The following ACMSD variants were observed in gnomAD, a reference collection of about 807,000 sequenced individuals.
The protein encoded by ACMSD is 2-amino-3-carboxymuconate-6-semialdehyde decarboxylase.
Under a neutral mutation model 45.9 loss-of-function variants are expected in ACMSD, and 37 were observed. The ratio of observed to expected loss-of-function variants is 0.81; its 90% CI spans 0.62 to 1.06. ACMSD has a LOEUF of 1.06. ACMSD is among the 50% of genes least tolerant of loss of function. The pLI is 0.00. For synonymous variants in ACMSD, 138 were observed against 148.8 expected (o/e 0.93, Z 0.53); for missense variants, 434 against 420.9 (o/e 1.03, Z -0.27).
chr2:134,855,362 C>T (rs1393855166), intron 2 of ACMSD, among the ~76,000 whole-genome samples: 1 of 152,206 alleles, frequency 6.6e-6, no homozygotes, highest in African/African-American at 2.4e-5. Flanking sequence ...CCCCCAGCAC[C>T]ACTGCCAATA....
chr2:134,852,892 T>C (rs891934991), intron 2 of ACMSD, among the ~76,000 whole-genome samples: 3 of 152,060 alleles, frequency 2.0e-5, no homozygotes, highest in African/African-American at 4.8e-5. Flanking sequence ...TGGCTGGGCA[T>C]GGTGCCTCAC....
chr2:134,885,305 A>ATGT, intron 8 of ACMSD, among the ~76,000 whole-genome samples: 1 of 49,428 alleles, frequency 2.0e-5, no homozygotes, highest in South Asian at 9.9e-4. Flanking sequence ...ATATATATTT[A>ATGT]AATATATATA....
chr2:134,889,599 T>C (rs770211311), intron 8 of ACMSD, among the ~76,000 whole-genome samples: 10 of 152,160 alleles, frequency 6.6e-5, no homozygotes, highest in Non-Finnish European at 1.5e-4. Flanking sequence ...ATAACAATTG[T>C]TTACATAGCA....
chr2:134,878,947 C>T (rs569963083), intron 8 of ACMSD, among the ~76,000 whole-genome samples: 2 of 152,296 alleles, frequency 1.3e-5, no homozygotes, highest in East Asian at 3.9e-4. Flanking sequence ...AGACAACAGC[C>T]TTAAGCTTCT....
At chr2:134,901,752 T>TA (rs767754449) in intron 9 of ACMSD, 46 bp from the exon 10 acceptor site, 3 of 1,498,124 alleles carry the variant, frequency 2.0e-6, no homozygotes, top group South Asian at 2.5e-5. Flanking sequence ...TAAAAGTACT[T>TA]AAAAAACAAC....
At position 134,859,370 on chromosome 2, in the gene ACMSD, G is replaced by C. The variant is rs765101824; in HGVS notation, c.199+13G>C. The C allele has an allele frequency of 3.1e-6, 5 of 1,611,700 alleles. No homozygotes were observed. Among genetic ancestry groups the C allele is most frequent in the Non-Finnish European group, 4.2e-6 (5 of 1,177,992 alleles). ...ATGGACCAAAAAGGTACGATGAGAAGTGCTACCAATGTTAGCATCTGATGT... is the reference window on the plus strand; with the variant it reads ...ATGGACCAAAAAGGTACGATGAGAACTGCTACCAATGTTAGCATCTGATGT... On this transcript the variant is annotated intron_variant, in intron 3 of 9. Transcript: ENST00000356140.
At chr2:134,844,949 A>G (rs1686982483) in intron 1 of ACMSD, among the ~76,000 whole-genome samples, 1 of 152,216 alleles carries the variant, frequency 6.6e-6, no homozygotes, top group African/African-American at 2.4e-5. Context: ...CACATGAACA[A>G]TATTTTTTCA....
intron 1 of ACMSD, among the ~76,000 whole-genome samples, chr2:134,841,611 G>A (rs1686811809): frequency 6.6e-6 from 1 of 152,176 alleles, no homozygotes; most frequent in Non-Finnish European, 1.5e-5. Context: ...GTCACAAACA[G>A]GAGGTGGGGC....
intron 2 of ACMSD, among the ~76,000 whole-genome samples, chr2:134,845,529 CT>C (rs1365276707): frequency 2.6e-5 from 4 of 151,104 alleles, no homozygotes; most frequent in African/African-American, 9.7e-5. Context: ...CTCTCTCTCT[CT>C]CTCTCTCTCT....
intron 8 of ACMSD, among the ~76,000 whole-genome samples, chr2:134,875,053 C>T (rs115627927): frequency 0.011 from 1,682 of 152,210 alleles, 28 homozygotes; most frequent in African/African-American, 0.038. Flanking sequence ...CAGGCTGGAG[C>T]GCAGTGGCGT....
chr2:134,854,222 A>G lies in ACMSD; in HGVS notation c.103-5039A>G, dbSNP rs989357696. On this transcript the variant is annotated intron_variant, in intron 2 of 9. Transcript: ENST00000356140. The stretch of plus-strand genomic sequence containing the variant: ...AAAATCTGGCTGTTATTTATTGAGC[A>G]TGCTCTCTGGCCTGGTGCTAAGTTC... Among the ~76,000 whole-genome samples the G allele has an allele frequency of 9.2e-5, 14 of 152,252 alleles. No homozygotes were observed. The East Asian group carries it at 9.6e-4, about 10-fold the overall frequency.
chr2:134,850,989 A>G lies in ACMSD; in HGVS notation c.102+5712A>G, dbSNP rs550538859. ...GTAGTCCCCAGTGTCTACTGTTGCC[A>G]TCCTTATATCCATGTAAACCCAATG... On this transcript the variant is annotated intron_variant, in intron 2 of 9. Transcript: ENST00000356140. Among the ~76,000 whole-genome samples, 18 of 152,260 alleles carry G rather than the reference A, an allele frequency of 1.2e-4. No homozygotes were observed. In the East Asian group the frequency reaches 1.5e-3, roughly 13 times the overall value.
At chr2:134,866,457 C>T (rs899718129) in intron 5 of ACMSD, among the ~76,000 whole-genome samples, 3 of 152,150 alleles carry the variant, frequency 2.0e-5, no homozygotes, top group Non-Finnish European at 4.4e-5. Flanking sequence ...TTATCAGAAA[C>T]CAATTAGCTT....
intron 8 of ACMSD, among the ~76,000 whole-genome samples, chr2:134,887,524 C>T (rs140333541): frequency 2.0e-5 from 3 of 152,204 alleles, no homozygotes; most frequent in Non-Finnish European, 4.4e-5. Context: ...CTGCCTCAGC[C>T]TCCCAAGTAG....
chr2:134,895,269 C>G (rs1218200391), intron 8 of ACMSD, among the ~76,000 whole-genome samples: 1 of 142,766 alleles, frequency 7.0e-6, no homozygotes, highest in Non-Finnish European at 1.5e-5. Context: ...TGCCACTGCA[C>G]TCCAGCCTGG....
chr2:134,898,449 CT>C lies in ACMSD; in HGVS notation c.948+14del. 1 of 1,554,788 alleles carries C rather than the reference CT, an allele frequency of 6.4e-7. No individual in the cohort carries two copies. Among genetic ancestry groups the C allele is most frequent in the Non-Finnish European group, 8.7e-7 (1 of 1,152,348 alleles). On this transcript the variant is annotated intron_variant, in intron 9 of 9. Transcript: ENST00000356140. ...TGATGAAGAAACAAAGGTATAATGT[CT>C]TTTACTTCACGGCTTTCTTACTGAC...
At chr2:134,879,835 TC>T (rs1160531651) in intron 8 of ACMSD, among the ~76,000 whole-genome samples, 1 of 152,212 alleles carries the variant, frequency 6.6e-6, no homozygotes, top group Admixed American at 6.5e-5. Context: ...CTTCTGATGC[TC>T]TAATTGGGAC....
At position 134,859,350 on chromosome 2, in the gene ACMSD, C is replaced by T; in HGVS notation, c.192C>T (p.Asp64=). ...CAGAAGTTCGTATTAGAGAAATGGA[C>T]CAAAAAGGTACGATGAGAAGTGCTA... ...WDPEVRIREM[D]QKGVTVQALS... The change falls in exon 3 of 10, where the codon GAC becomes GAT. Residue 64 remains aspartate (D), a synonymous_variant. Coordinates refer to ENST00000356140, the MANE Select transcript of ACMSD (RefSeq NM_138326.3). 2 of 1,613,536 alleles carry T rather than the reference C, an allele frequency of 1.2e-6. No homozygotes were observed. Among genetic ancestry groups the T allele is most frequent in the Non-Finnish European group, 1.7e-6 (2 of 1,179,698 alleles).
At chr2:134,842,423 G>A (rs192696060) in intron 1 of ACMSD, among the ~76,000 whole-genome samples, 147 of 152,162 alleles carry the variant, frequency 9.7e-4, no homozygotes, top group African/African-American at 3.4e-3. Context: ...CTGACCCCAG[G>A]GTATTCTATT....
Sources: gnomAD v4.1 joint callset for allele counts (sites outside exome capture counted in the v4.1 genomes callset) on GRCh38, gnomAD v4.1.1 for gene constraint, MANE v1.5 for transcripts, NCBI Gene and HGNC (gene_info 2026-07-23, HGNC 2026-07-21) for gene names.